Variants in LCOR observed in about 807,000 individuals in gnomAD.
LCOR encodes ligand-dependent corepressor.
LCOR carries 14 observed loss-of-function variants against 64.4 expected under a neutral mutation model. The ratio of observed to expected loss-of-function variants is 0.22; its 90% CI spans 0.14 to 0.34. LCOR has a LOEUF of 0.34. Ranked by LOEUF, LCOR falls within the 10% of genes least tolerant of loss-of-function variation. The pLI is 1.00. For missense variants in LCOR, 1,686 were observed against 1,765.3 expected (o/e 0.96, Z 0.80); for synonymous variants, 643 against 642.5 (o/e 1.00, Z -0.01).
At position 96,982,542 on chromosome 10, in the gene LCOR, A is replaced by G. The variant is rs762555085; in HGVS notation, c.2082A>G (p.Glu694=). 1 of 1,614,172 alleles carries G rather than the reference A, an allele frequency of 6.2e-7. No individual in the cohort carries two copies. The highest frequency in any genetic ancestry group is 1.1e-5 in the South Asian group (1 of 91,086). ...DVISRPHSPP[E]IVSREESPQC... is the part of the protein sequence containing the mutation. ...TTTCTAGGCCTCATTCTCCTCCTGA[A>G]ATAGTCAGTAGAGAAGAAAGTCCTC... is the stretch of plus-strand genomic sequence containing the variant. The change falls in exon 8 of 8, where the codon GAA becomes GAG. Residue 694 remains glutamate, a synonymous_variant. Coordinates refer to ENST00000421806, the MANE Select transcript of LCOR (RefSeq NM_001346516.2).
chr10:96,943,346 C>T (rs1443604788), intron 4 of LCOR, among the ~76,000 whole-genome samples: 1 of 152,244 alleles, frequency 6.6e-6, no homozygotes, highest in Non-Finnish European at 1.5e-5. Context: ...ATCCGCCCGC[C>T]TCGGCCTCCC....
At chr10:96,931,064 TAA>T (rs573969327) in intron 4 of LCOR, among the ~76,000 whole-genome samples, 1 of 152,102 alleles carries the variant, frequency 6.6e-6, no homozygotes, top group Non-Finnish European at 1.5e-5. Context: ...TATTAGATAA[TAA>T]AAGTGTATAT....
chr10:96,902,882 T>C (rs1476319567), intron 2 of LCOR, among the ~76,000 whole-genome samples: 1 of 152,178 alleles, frequency 6.6e-6, no homozygotes, highest in Non-Finnish European at 1.5e-5. Flanking sequence ...TTAGGCAGTT[T>C]CATCATTTTT....
intron 7 of LCOR, among the ~76,000 whole-genome samples, chr10:96,971,888 AC>A (rs1250805105): frequency 6.6e-6 from 1 of 152,174 alleles, no homozygotes; most frequent in Non-Finnish European, 1.5e-5. Context: ...TATAACTCTT[AC>A]GTCTGCATGT....
chr10:96,955,078 T>G (rs759392753), intron 7 of LCOR: 1 of 1,614,200 alleles, frequency 6.2e-7, no homozygotes, highest in African/African-American at 1.3e-5. Flanking sequence ...AAAGTTCCAC[T>G]GGCTCGATCC....
chr10:96,869,403 T>C lies in LCOR; in HGVS notation c.-330+35924T>C, dbSNP rs1327763331. 2.0e-5 allele frequency among the ~76,000 whole-genome samples: 3 copies of C among 151,754 alleles called. No individual in the cohort carries two copies. In the East Asian group the frequency reaches 5.8e-4, roughly 29 times the overall value. On this transcript the variant is annotated intron_variant, in intron 2 of 7. Coordinates refer to ENST00000421806, the MANE Select transcript of LCOR (RefSeq NM_001346516.2). ...AATTTTTTTGTATTTTTAGTAGAGA[T>C]GGGGTTTCACCATGTCAACCAGGCT...
chr10:96,914,486 C>T (rs776104424), intron 4 of LCOR, among the ~76,000 whole-genome samples: 8 of 152,228 alleles, frequency 5.3e-5, no homozygotes, highest in Admixed American at 5.2e-4. Flanking sequence ...CGCGAGCCAC[C>T]GCGCCTGGCC....
rs760452329 is a variant in LCOR at position 96,982,937 on chromosome 10, C to T, written c.2477C>T (p.Ser826Phe). 44 of 1,613,332 alleles carry T rather than the reference C, an allele frequency of 2.7e-5. No homozygotes were observed. Among genetic ancestry groups the T allele is most frequent in the Non-Finnish European group, 3.6e-5 (42 of 1,179,874 alleles). The change falls in exon 8 of 8, where the codon TCT (serine) becomes TTT (phenylalanine). Residue 826 changes from serine (S) to phenylalanine (F), a missense_variant. Ser to Phe is a radical substitution (Grantham distance 155, BLOSUM62 -2). Around this residue, in one of 3 missense-constraint regions of LCOR, gnomAD observed 1,293 missense variants for 1,410.4 expected, o/e 0.92. Transcript: ENST00000421806. ...AGAAGTCAACTTTCGGATTCTTCCT[C>T]TGCTGACAGATGCCTAAGAAATCAG... ...CLRSQLSDSS[S>F]ADRCLRNQSS...
rs536671642 is a variant in LCOR at position 96,880,167 on chromosome 10, T to G, written c.-329-27098T>G. Among the ~76,000 whole-genome samples the G allele has an allele frequency of 2.2e-3, 342 of 152,314 alleles. 1 individual carries two copies. Among genetic ancestry groups the G allele is most frequent in the Non-Finnish European group, 2.3e-3 (159 of 68,024 alleles). ...TTGCTCTATTTGGTTTAAACTGATA[T>G]TGCCCCAAAAGGCAGTGTAGCTTTT... On this transcript the variant is annotated intron_variant, in intron 2 of 7. Transcript: ENST00000421806.
intron 2 of LCOR, 141 bp from the exon 3 acceptor site, chr10:96,907,124 C>T (rs1846742937): frequency 6.0e-6 from 1 of 166,816 alleles, no homozygotes; most frequent in Non-Finnish European, 1.2e-5. Context: ...CATTGACACT[C>T]TTTTTCTAAG....
chr10:96,899,591 A>T (rs1251075298), intron 2 of LCOR, among the ~76,000 whole-genome samples: 1 of 152,100 alleles, frequency 6.6e-6, no homozygotes, highest in African/African-American at 2.4e-5. Context: ...TAAATATCTT[A>T]ATTTAACTTC....
chr10:96,887,190 T>A (rs939572736), intron 2 of LCOR, among the ~76,000 whole-genome samples: 3 of 152,216 alleles, frequency 2.0e-5, no homozygotes, highest in African/African-American at 7.2e-5. Context: ...CAAACTTTTA[T>A]AGTAGATATT....
chr10:96,860,722 G>A (rs1217982356), intron 2 of LCOR, among the ~76,000 whole-genome samples: 1 of 152,164 alleles, frequency 6.6e-6, no homozygotes, highest in Non-Finnish European at 1.5e-5. Flanking sequence ...AAAATGTGAT[G>A]TTACTTTGTG....
At chr10:96,895,964 C>T (rs1436116751) in intron 2 of LCOR, among the ~76,000 whole-genome samples, 1 of 152,110 alleles carries the variant, frequency 6.6e-6, no homozygotes, top group Non-Finnish European at 1.5e-5. Context: ...TGCCTGTAGT[C>T]CAAGCTGCTC....
chr10:96,930,830 A>T (rs1275350781), intron 4 of LCOR, among the ~76,000 whole-genome samples: 1 of 152,190 alleles, frequency 6.6e-6, no homozygotes, highest in Admixed American at 6.5e-5. Flanking sequence ...GCCTTCTGCC[A>T]TGTGAGAGCG....
At chr10:96,951,702 G>T (rs184970121) in intron 6 of LCOR, among the ~76,000 whole-genome samples, 2 of 152,084 alleles carry the variant, frequency 1.3e-5, no homozygotes, top group East Asian at 3.9e-4. Flanking sequence ...GAGGGATTTG[G>T]TTCTATAGTT....
chr10:96,919,233 G>A (rs1847006766), intron 4 of LCOR, among the ~76,000 whole-genome samples: 1 of 152,124 alleles, frequency 6.6e-6, no homozygotes, highest in Non-Finnish European at 1.5e-5. Context: ...AAAAATTAGG[G>A]TTAGAGTTCC....
chr10:96,911,494 G>A (rs1482538636), intron 4 of LCOR, among the ~76,000 whole-genome samples: 2 of 152,156 alleles, frequency 1.3e-5, no homozygotes, highest in Non-Finnish European at 2.9e-5. Context: ...GTTCAGTTAT[G>A]GGCAAAATTA....
At chr10:96,851,396 T>G (rs532304140) in intron 2 of LCOR, among the ~76,000 whole-genome samples, 66 of 152,250 alleles carry the variant, frequency 4.3e-4, no homozygotes, top group Non-Finnish European at 6.6e-4. Flanking sequence ...AACAGAGATG[T>G]GGGTGTGGAA....
Sources: gnomAD v4.1 joint callset for allele counts (sites outside exome capture counted in the v4.1 genomes callset) on GRCh38, gnomAD v4.1.1 for gene constraint, gnomAD v4.1.1 regional missense constraint, MANE v1.5 for transcripts, NCBI Gene and HGNC (gene_info 2026-07-23, HGNC 2026-07-21) for gene names.